Variants in APBB2 observed in about 807,000 individuals in gnomAD.
APBB2 encodes the protein amyloid beta precursor protein binding family B member 2.
A neutral mutation model predicts 82.5 loss-of-function variants in APBB2; 38 were observed. That is an observed-to-expected ratio of 0.46 (90% CI 0.36 to 0.60). The LOEUF (loss-of-function observed/expected upper bound fraction) is 0.60, where lower values mean the gene tolerates loss of function less well. Among genes scored for constraint, APBB2 ranks in the 20% least tolerant of loss-of-function variants. APBB2 has a pLI of 0.00. For missense variants in APBB2, 772 were observed against 972.3 expected, an observed-to-expected ratio of 0.79 and a Z score of 2.74; for synonymous variants, 341 against 368.2, an observed-to-expected ratio of 0.93 and a Z score of 0.85.
chr4:41,011,010 T>A (rs1268038651), intron 6 of APBB2, among the ~76,000 whole-genome samples: 2 of 152,090 alleles, frequency 1.3e-5, no homozygotes, highest in Non-Finnish European at 2.9e-5. Flanking sequence ...ATTGTTTCCA[T>A]CAGTATGTGT....
At chr4:41,123,512 A>G (rs1489602209) in intron 2 of APBB2, among the ~76,000 whole-genome samples, 1 of 152,206 alleles carries the variant, frequency 6.6e-6, no homozygotes, top group Non-Finnish European at 1.5e-5. Context: ...CACACTGCAC[A>G]GTAAACAATC....
chr4:40,880,713 T>A, intron 12 of APBB2: 2 of 985,428 alleles, frequency 2.0e-6, no homozygotes, highest in Non-Finnish European at 2.4e-6. Flanking sequence ...ATCCTTTGTC[T>A]GGCTCAGGAC....
rs779567898 is a variant in APBB2, at chr4:40,830,542, C to T, written c.1565G>A (p.Arg522Lys). 1.3e-5 allele frequency: 21 copies of T among 1,613,954 alleles called. No homozygotes were observed. The highest frequency in any genetic ancestry group is 1.6e-4 in the Middle Eastern group (1 of 6,084). ...FAYVARDKDT[R>K]ILKCHVFRCD... The stretch of plus-strand genomic sequence containing the variant: ...TCGAAATACATGACATTTCAAAATT[C>T]TTGTATCTTTATCTCTTGCTACATA... Residue 522 changes from arginine to lysine, a missense_variant, in exon 13 of 18, where the codon AGA becomes AAA. Arg to Lys is a conservative substitution (Grantham distance 26). Transcript: ENST00000508593.
intron 2 of APBB2, among the ~76,000 whole-genome samples, chr4:41,101,458 G>C (rs1371072141): frequency 9.4e-6 from 1 of 106,546 alleles, no homozygotes; most frequent in East Asian, 3.2e-4. Flanking sequence ...GCGACAGAGC[G>C]AGACTCCGTC....
At chr4:40,949,769 C>T (rs1174688053) in intron 6 of APBB2, among the ~76,000 whole-genome samples, 1 of 152,220 alleles carries the variant, frequency 6.6e-6, no homozygotes, top group Non-Finnish European at 1.5e-5. Context: ...GCTTCACTGC[C>T]CTTCTGACTC....
At chr4:40,997,934 C>A (rs1174235131) in intron 6 of APBB2, among the ~76,000 whole-genome samples, 1 of 152,288 alleles carries the variant, frequency 6.6e-6, no homozygotes, top group Admixed American at 6.5e-5. Context: ...GAAAAGTACA[C>A]GTGATTGAGT....
chr4:41,213,153 G>GT (rs765430966), intron 1 of APBB2, among the ~76,000 whole-genome samples: 11 of 150,056 alleles, frequency 7.3e-5, no homozygotes, highest in South Asian at 2.1e-4. Flanking sequence ...CATTGTGTTT[G>GT]TTTTTTTTAA....
At chr4:40,853,837 G>A (rs1760274238) in intron 12 of APBB2, among the ~76,000 whole-genome samples, 1 of 152,098 alleles carries the variant, frequency 6.6e-6, no homozygotes, top group Non-Finnish European at 1.5e-5. Flanking sequence ...TTGCCTCCTA[G>A]GACAGGCTGC....
chr4:40,856,400 A>T (rs941085884), intron 12 of APBB2, among the ~76,000 whole-genome samples: 3 of 152,158 alleles, frequency 2.0e-5, no homozygotes, highest in Non-Finnish European at 4.4e-5. Flanking sequence ...CAAAAACACT[A>T]CTTCTTTCTC....
rs79692482 is a variant in APBB2, at chr4:40,945,166, G to A, written c.836-93C>T. The stretch of plus-strand genomic sequence containing the variant: ...CGTCAGGTGAACCCCAAAGGCAGAC[G>A]TGTCCATAGTCCAAATGATTAGTTC... On this transcript the variant is annotated intron_variant, in intron 6 of 17. Coordinates refer to ENST00000508593, the MANE Select transcript of APBB2 (RefSeq NM_004307.2). 8.7e-4 allele frequency: 762 copies of A among 873,430 alleles called. 4 individuals carry two copies. Among genetic ancestry groups the A allele is most frequent in the Middle Eastern group, 5.2e-3 (16 of 3,050 alleles). 54.1% of individuals were successfully genotyped at this position (873,430 alleles called of 1,614,324 possible).
intron 2 of APBB2, among the ~76,000 whole-genome samples, chr4:41,129,683 C>G (rs1273714035): frequency 1.3e-5 from 2 of 152,038 alleles, no homozygotes; most frequent in African/African-American, 4.8e-5. Flanking sequence ...CTTATTCATT[C>G]CTTCAACAAA....
intron 1 of APBB2, among the ~76,000 whole-genome samples, chr4:41,181,467 T>C (rs1376883944): frequency 6.6e-6 from 1 of 152,258 alleles, no homozygotes; most frequent in Non-Finnish European, 1.5e-5. Context: ...GAGCTAATTA[T>C]GTATAATTTC....
intron 6 of APBB2, among the ~76,000 whole-genome samples, chr4:41,012,905 C>T (rs1385747370): frequency 6.6e-6 from 1 of 152,168 alleles, no homozygotes; most frequent in Non-Finnish European, 1.5e-5. Flanking sequence ...ATTTCTGTCA[C>T]CATTTTAACA....
intron 6 of APBB2, among the ~76,000 whole-genome samples, chr4:40,993,782 T>A (rs1560478867): frequency 6.6e-6 from 1 of 152,178 alleles, no homozygotes. Flanking sequence ...TGATTCTTGT[T>A]AAATGTTAGC....
chr4:40,830,619 G>A (rs1267048540), intron 12 of APBB2, 42 bp from the exon 13 acceptor site: 2 of 1,180,664 alleles, frequency 1.7e-6, no homozygotes, highest in South Asian at 2.4e-5. Context: ...AAGAGAAGCT[G>A]ATTACCAACA....
At chr4:41,013,111 G>C (rs1808854813) in intron 6 of APBB2, among the ~76,000 whole-genome samples, 1 of 152,120 alleles carries the variant, frequency 6.6e-6, no homozygotes, top group Non-Finnish European at 1.5e-5. Flanking sequence ...TGAACAGATG[G>C]CTAATGTTTT....
chr4:40,848,798 T>C (rs1441177967), intron 12 of APBB2: 1 of 953,178 alleles, frequency 1.0e-6, no homozygotes, highest in African/African-American at 1.8e-5. Context: ...CTGGGCTTGC[T>C]GATCGGCTGC....
intron 1 of APBB2, among the ~76,000 whole-genome samples, chr4:41,213,624 G>A (rs1779874549): frequency 6.6e-6 from 1 of 152,220 alleles, no homozygotes; most frequent in African/African-American, 2.4e-5. Context: ...ATGGGTCTCA[G>A]CATCCTTCCC....
chr4:41,209,523 G>A (rs916577086), intron 1 of APBB2, among the ~76,000 whole-genome samples: 4 of 152,158 alleles, frequency 2.6e-5, no homozygotes, highest in African/African-American at 9.7e-5. Flanking sequence ...ATCGAGGCGA[G>A]GAGACAAAGG....
Sources: allele counts gnomAD v4.1 joint callset (sites outside exome capture counted in the v4.1 genomes callset), GRCh38; gene constraint gnomAD v4.1.1; transcripts MANE v1.5; gene names NCBI Gene and HGNC (gene_info 2026-07-23, HGNC 2026-07-21).